Variants in COL6A6 observed in about 807,000 individuals in gnomAD.
COL6A6 encodes the protein collagen alpha-6(VI) chain.
COL6A6 carries 183 observed loss-of-function variants against 208.6 expected under a neutral mutation model. That is an observed-to-expected ratio of 0.88 (90% CI 0.78 to 0.99). COL6A6 has a LOEUF of 0.99. COL6A6 is among the 50% of genes least tolerant of loss of function. The pLI is 0.00. For missense variants in COL6A6, 2,816 were observed against 2,815.2 expected, an observed-to-expected ratio of 1.00 and a Z score of -0.01; for synonymous variants, 973 against 1,011.8, an observed-to-expected ratio of 0.96 and a Z score of 0.73.
intron 1 of COL6A6, among the ~76,000 whole-genome samples, chr3:130,552,613 C>A (rs1245356828): frequency 1.3e-5 from 2 of 152,142 alleles, no homozygotes; most frequent in African/African-American, 4.8e-5. Flanking sequence ...CACTCTCTGC[C>A]TTTTAATTGG....
At chr3:130,662,441 A>G in intron 35 of COL6A6, 133 bp downstream of exon 35, 1 of 791,842 alleles carries the variant, frequency 1.3e-6, no homozygotes, top group South Asian at 1.8e-5. Context: ...TCAGAAAGGA[A>G]AATATATAAT....
chr3:130,598,241 T>G, intron 18 of COL6A6, 124 bp from the exon 19 acceptor site: 1 of 625,988 alleles, frequency 1.6e-6, no homozygotes, highest in South Asian at 2.3e-5. Flanking sequence ...TTTAACCTAT[T>G]TCTGCTTTCA....
intron 1 of COL6A6, among the ~76,000 whole-genome samples, chr3:130,522,615 A>C (rs1325029966): frequency 6.6e-6 from 1 of 152,118 alleles, no homozygotes; most frequent in Admixed American, 6.5e-5. Context: ...CCCACAAGGC[A>C]CTTGAAGATT....
At chr3:130,553,337 G>A (rs1264568384) in intron 1 of COL6A6, among the ~76,000 whole-genome samples, 1 of 152,162 alleles carries the variant, frequency 6.6e-6, no homozygotes, top group Non-Finnish European at 1.5e-5. Context: ...AGGGTTTTGG[G>A]TTTTGTTAAT....
chr3:130,672,126 T>A (rs1161134032), intron 36 of COL6A6, among the ~76,000 whole-genome samples: 4 of 152,216 alleles, frequency 2.6e-5, no homozygotes, highest in Non-Finnish European at 5.9e-5. Flanking sequence ...GTGCATCCAG[T>A]CAACTAATAG....
chr3:130,607,081 A>T, intron 21 of COL6A6, 115 bp downstream of exon 21: 1 of 744,892 alleles, frequency 1.3e-6, no homozygotes, highest in South Asian at 2.8e-5. Context: ...TTGGTTATGG[A>T]ATAGAAAGCT....
At position 130,610,640 on chromosome 3, in the gene COL6A6, T is replaced by C. The variant is rs2064327384; in HGVS notation, c.4753-9T>C. 1 of 1,575,974 alleles carries C rather than the reference T, an allele frequency of 6.3e-7. No individual in the cohort carries two copies. Among genetic ancestry groups the C allele is most frequent in the Non-Finnish European group, 8.6e-7 (1 of 1,158,552 alleles). ...GGCAAAAAATAATGCTTTAATTCTA[T>C]GTACTTAGGGCCCAAGAGGAGAGGC... On this transcript the variant is annotated splice_polypyrimidine_tract_variant and intron_variant, in intron 22 of 36. Transcript: ENST00000358511.
At chr3:130,600,054 C>CA (rs2063967833) in intron 20 of COL6A6, among the ~76,000 whole-genome samples, 1 of 151,998 alleles carries the variant, frequency 6.6e-6, no homozygotes, top group Admixed American at 6.6e-5. Context: ...CAAAGAAAAC[C>CA]AAAAAAACCT....
chr3:130,624,964 C>T (rs1314096009), intron 24 of COL6A6, among the ~76,000 whole-genome samples: 1 of 152,172 alleles, frequency 6.6e-6, no homozygotes, highest in Non-Finnish European at 1.5e-5. Flanking sequence ...AAGCATGTGG[C>T]CCTAGAAAAG....
At chr3:130,535,054 CAT>C (rs559866558) in intron 1 of COL6A6, among the ~76,000 whole-genome samples, 258 of 152,262 alleles carry the variant, frequency 1.7e-3, no homozygotes, top group African/African-American at 5.7e-3. Flanking sequence ...CAAGAGAACT[CAT>C]AGTATTTTCC....
chr3:130,652,892 T>C (rs1451580630), intron 33 of COL6A6, among the ~76,000 whole-genome samples: 1 of 152,206 alleles, frequency 6.6e-6, no homozygotes, highest in Non-Finnish European at 1.5e-5. Flanking sequence ...AAGTAGTCCA[T>C]CATGAAATTT....
At chr3:130,578,252 A>G (rs1222755614) in intron 8 of COL6A6, among the ~76,000 whole-genome samples, 1 of 152,212 alleles carries the variant, frequency 6.6e-6, no homozygotes, top group African/African-American at 2.4e-5. Context: ...GGTAAGAGAC[A>G]ACCTCAGGAT....
rs1033435594 is a variant in COL6A6, at chr3:130,589,079, C to T, written c.4126-11C>T. The T allele has an allele frequency of 3.7e-6, 6 of 1,609,744 alleles. No homozygotes were observed. In the Admixed American group the frequency reaches 6.7e-5, roughly 18 times the overall value. On this transcript the variant is annotated splice_polypyrimidine_tract_variant and intron_variant, in intron 11 of 36. Transcript: ENST00000358511. Reference sequence around the variant, plus strand: ...CCACCAAATGTAATGTATTTCTTACCCTCTCCCAAGGTCAATGTTGCTGAA... The same window carrying T: ...CCACCAAATGTAATGTATTTCTTACTCTCTCCCAAGGTCAATGTTGCTGAA...
chr3:130,647,476 G>A (rs2065495365), intron 32 of COL6A6, among the ~76,000 whole-genome samples: 1 of 152,112 alleles, frequency 6.6e-6, no homozygotes, highest in African/African-American at 2.4e-5. Context: ...AAAGTGACAC[G>A]TCCATTTATA....
At position 130,560,419 on chromosome 3, in the gene COL6A6, CA is replaced by C; in HGVS notation, c.57del (p.Asp20IlefsTer27). On this transcript the variant is annotated frameshift_variant, in exon 2 of 37. Transcript: ENST00000358511. LOFTEE classifies it high-confidence loss of function. ...AATTTGTTCCCATATTTCTGTGAAC[CA>C]AGATTCCGGTAAGGAAAAACTGGAA... is the stretch of plus-strand genomic sequence containing the variant. ...VIICSHISVN[Q>X]DSGPEYADVV... The C allele has an allele frequency of 6.2e-7, 1 of 1,610,028 alleles. No individual in the cohort carries two copies. The highest frequency in any genetic ancestry group is 1.1e-5 in the South Asian group (1 of 90,340).
At chr3:130,663,660 A>G (rs2065994782) in intron 35 of COL6A6, among the ~76,000 whole-genome samples, 1 of 152,164 alleles carries the variant, frequency 6.6e-6, no homozygotes, top group African/African-American at 2.4e-5. Flanking sequence ...CACTCCCCCA[A>G]AATTCTTGGT....
At position 130,547,277 on chromosome 3, in the gene COL6A6, C is replaced by G. The variant is rs540447643; in HGVS notation, c.-31-13057C>G. On this transcript the variant is annotated intron_variant, in intron 1 of 36. Transcript: ENST00000358511. ...GGGCTGGCACTGCTGGGGGACCCAG[C>G]GCCCCCTCTGCAGCTGCTGGCCCAG... Among the ~76,000 whole-genome samples the G allele has an allele frequency of 2.0e-5, 3 of 152,374 alleles. 1 individual carries two copies. The South Asian group carries it at 6.2e-4, about 32-fold the overall frequency.
At chr3:130,523,640 G>A (rs1559945544) in intron 1 of COL6A6, among the ~76,000 whole-genome samples, 1 of 152,180 alleles carries the variant, frequency 6.6e-6, no homozygotes, top group Non-Finnish European at 1.5e-5. Context: ...CAGCAAGGTA[G>A]AACTAGGCTT....
At chr3:130,529,743 T>A (rs1442213427) in intron 1 of COL6A6, among the ~76,000 whole-genome samples, 6 of 152,218 alleles carry the variant, frequency 3.9e-5, no homozygotes, top group Admixed American at 2.0e-4. Flanking sequence ...AGTGAGGTTC[T>A]CTATTAAAGC....
Sources: gnomAD v4.1 joint callset for allele counts (sites outside exome capture counted in the v4.1 genomes callset) on GRCh38, gnomAD v4.1.1 for gene constraint, MANE v1.5 for transcripts, NCBI Gene and HGNC (gene_info 2026-07-23, HGNC 2026-07-21) for gene names.